SORBS2: variants seen among roughly 807,000 people sequenced by gnomAD.
SORBS2 encodes the protein sorbin and SH3 domain containing 2.
Under a neutral mutation model 97.7 loss-of-function variants are expected in SORBS2, and 46 were observed. The ratio of observed to expected loss-of-function variants is 0.47; its 90% CI spans 0.37 to 0.60. The LOEUF (loss-of-function observed/expected upper bound fraction) is 0.60. Ranked by LOEUF, SORBS2 falls within the 20% of genes least tolerant of loss-of-function variation. SORBS2 has a pLI of 0.00. For missense variants in SORBS2, 1,316 were observed against 1,282.3 expected (o/e 1.03, Z -0.40); for synonymous variants, 476 against 473.4 (o/e 1.01, Z -0.07).
intron 4 of SORBS2, chr4:185,646,071 C>A (rs558434143): frequency 6.6e-6 from 1 of 152,094 alleles, no homozygotes; most frequent in Non-Finnish European, 1.5e-5. Context: ...GGCTTGGTAA[C>A]CTGAGGAGGG....
At chr4:185,734,979 T>C (rs79689595) in intron 2 of SORBS2, among the ~76,000 whole-genome samples, 4,864 of 152,344 alleles carry the variant, frequency 0.032, 245 homozygotes, top group African/African-American at 0.11. Context: ...CTACAACTTA[T>C]ATGGCTGCAG....
chr4:185,934,552 G>A (rs1409218510), intron 1 of SORBS2, among the ~76,000 whole-genome samples: 1 of 152,076 alleles, frequency 6.6e-6, no homozygotes, highest in Admixed American at 6.5e-5. Flanking sequence ...CCTGAGGTCA[G>A]GAGTTCGACA....
chr4:185,797,276 G>C (rs113347884), intron 1 of SORBS2, among the ~76,000 whole-genome samples: 52 of 152,198 alleles, frequency 3.4e-4, no homozygotes, highest in African/African-American at 1.2e-3. Context: ...CATTTCTCCC[G>C]GCCCCGTCAC....
intron 2 of SORBS2, among the ~76,000 whole-genome samples, chr4:185,741,393 C>CTTTTTT (rs1210677956): frequency 3.3e-4 from 39 of 119,518 alleles, no homozygotes; most frequent in African/African-American, 7.8e-4. Flanking sequence ...TCTTTCTTTT[C>CTTTTTT]TTTTTTTTTT....
intron 1 of SORBS2, among the ~76,000 whole-genome samples, chr4:185,842,828 A>T (rs754712560): frequency 5.3e-5 from 8 of 151,056 alleles, no homozygotes; most frequent in Non-Finnish European, 1.0e-4. Context: ...CCAGCTACTC[A>T]GGAGGCTGAG....
intron 1 of SORBS2, among the ~76,000 whole-genome samples, chr4:185,924,029 C>A (rs1488430104): frequency 6.6e-6 from 1 of 152,202 alleles, no homozygotes; most frequent in East Asian, 1.9e-4. Flanking sequence ...CTGTTTTGCT[C>A]TTTATCTCCA....
At chr4:185,729,156 T>A (rs1337416095) in intron 2 of SORBS2, among the ~76,000 whole-genome samples, 1 of 152,228 alleles carries the variant, frequency 6.6e-6, no homozygotes, top group African/African-American at 2.4e-5. Flanking sequence ...AGAAATTGCT[T>A]CTTATTTCCC....
chr4:185,614,255 C>T (rs73028053), intron 11 of SORBS2, among the ~76,000 whole-genome samples: 1,803 of 145,836 alleles, frequency 0.012, 35 homozygotes, highest in African/African-American at 0.043. Context: ...CCATGCCCGG[C>T]CTCGAGGCTT....
intron 2 of SORBS2, among the ~76,000 whole-genome samples, chr4:185,746,172 C>T (rs925354324): frequency 6.6e-6 from 1 of 152,274 alleles, no homozygotes; most frequent in Non-Finnish European, 1.5e-5. Context: ...GACTCACTCG[C>T]GACAGAATTC....
At chr4:185,624,466 G>A (rs1436762628) in exon 7 of SORBS2, 2 of 1,609,888 alleles carry the variant, frequency 1.2e-6, no homozygotes, top group African/African-American at 1.3e-5. Context: ...AACTGCAAAG[G>A]GATGGACATA....
intron 2 of SORBS2, 146 bp from the exon 11 acceptor site, chr4:185,651,974 T>A (rs980895603): frequency 1.9e-6 from 1 of 535,270 alleles, no homozygotes; most frequent in Non-Finnish European, 3.3e-6. Flanking sequence ...TCTTTTTTTC[T>A]TTTTTTTTAA....
chr4:185,735,919 C>T (rs1310082920), intron 2 of SORBS2, among the ~76,000 whole-genome samples: 2 of 152,216 alleles, frequency 1.3e-5, no homozygotes. Context: ...TTATTTATTG[C>T]AGCCAACATC....
intron 5 of SORBS2, among the ~76,000 whole-genome samples, chr4:185,627,955 C>A (rs1456423117): frequency 1.3e-5 from 2 of 152,158 alleles, no homozygotes; most frequent in Non-Finnish European, 2.9e-5. Context: ...GGTTGGCTTC[C>A]TGCACTCGGT....
At chr4:185,797,105 C>A (rs2153653903) in intron 1 of SORBS2, among the ~76,000 whole-genome samples, 1 of 152,376 alleles carries the variant, frequency 6.6e-6, no homozygotes, top group South Asian at 2.1e-4. Flanking sequence ...CCCAGATTTC[C>A]CTCACTCTAT....
At chr4:185,704,672 C>T (rs1166208948) in intron 2 of SORBS2, among the ~76,000 whole-genome samples, 1 of 151,528 alleles carries the variant, frequency 6.6e-6, no homozygotes, top group Non-Finnish European at 1.5e-5. Context: ...CCATTCTACT[C>T]CACAAATTAC....
At chr4:185,932,117 C>T (rs1402427175) in intron 1 of SORBS2, among the ~76,000 whole-genome samples, 1 of 151,374 alleles carries the variant, frequency 6.6e-6, no homozygotes, top group East Asian at 1.9e-4. Context: ...ATAATAAACA[C>T]ACACCTTGGT....
intron 1 of SORBS2, among the ~76,000 whole-genome samples, chr4:185,785,157 G>A (rs746830163): frequency 9.3e-5 from 14 of 151,064 alleles, no homozygotes; most frequent in Admixed American, 6.6e-4. Flanking sequence ...ATGTGTCCTC[G>A]GGACAGAAAA....
At chr4:185,885,556 TC>T (rs1442175846) in intron 1 of SORBS2, among the ~76,000 whole-genome samples, 1 of 152,258 alleles carries the variant, frequency 6.6e-6, no homozygotes, top group East Asian at 1.9e-4. Flanking sequence ...TTTCACAGTT[TC>T]TTTCTCATGA....
chr4:185,730,336 A>G (rs2098607578), intron 2 of SORBS2, among the ~76,000 whole-genome samples: 1 of 148,646 alleles, frequency 6.7e-6, no homozygotes, highest in Admixed American at 6.7e-5. Flanking sequence ...TTTGGAAAAG[A>G]AATATTCCTA....
Sources: allele counts gnomAD v4.1 joint callset (sites outside exome capture counted in the v4.1 genomes callset), GRCh38; gene constraint gnomAD v4.1.1; transcripts MANE v1.5; gene names NCBI Gene and HGNC (gene_info 2026-07-23, HGNC 2026-07-21).